Variants in NKAP observed in about 807,000 individuals in gnomAD.
NKAP encodes the protein NF-kappa-B-activating protein.
In NKAP, 4 loss-of-function variants were observed where a neutral mutation model predicts 35.6. That is an observed-to-expected ratio of 0.11 (90% CI 0.06 to 0.26). The LOEUF (loss-of-function observed/expected upper bound fraction) is 0.26. Ranked by LOEUF, NKAP falls within the 10% of genes least tolerant of loss-of-function variation. The pLI is 1.00. For missense variants in NKAP, 238 were observed against 321.9 expected, an observed-to-expected ratio of 0.74 and a Z score of 1.99; for synonymous variants, 106 against 119.2, an observed-to-expected ratio of 0.89 and a Z score of 0.72.
intron 8 of NKAP, 50 bp from the exon 9 acceptor site, chrX:119,925,444 G>A (rs1569471137): frequency 1.8e-6 from 2 of 1,128,661 alleles, no homozygotes; most frequent in Non-Finnish European, 1.2e-6. Flanking sequence ...TATTTTCATA[G>A]TACATCATCA....
chrX:119,940,636 T>C (rs1448319442), intron 1 of NKAP, among the ~76,000 whole-genome samples: 1 of 112,346 alleles, frequency 8.9e-6, no homozygotes, highest in East Asian at 2.8e-4. Context: ...CCAAAATAAA[T>C]ATAATTGCAA....
chrX:119,940,355 A>C (rs1158703405), intron 1 of NKAP, among the ~76,000 whole-genome samples: 3 of 23,103 alleles, frequency 1.3e-4, no homozygotes, highest in Non-Finnish European at 2.7e-4. Flanking sequence ...ATAAAAAACC[A>C]AAAAAAAAAA....
chrX:119,928,166 T>C (rs978948714), intron 8 of NKAP, among the ~76,000 whole-genome samples: 1 of 112,497 alleles, frequency 8.9e-6, no homozygotes, highest in Non-Finnish European at 1.9e-5. Flanking sequence ...TTAAGATTTA[T>C]TCTTAAGTCT....
chrX:119,933,951 A>C (rs2056753897), intron 5 of NKAP, among the ~76,000 whole-genome samples: 1 of 111,812 alleles, frequency 8.9e-6, no homozygotes, highest in African/African-American at 3.3e-5. Flanking sequence ...AAAAAAAACA[A>C]AACAAAACAA....
intron 2 of NKAP, chrX:119,937,681 G>C (rs2056773330): frequency 9.2e-6 from 1 of 108,404 alleles, no homozygotes; most frequent in Non-Finnish European, 1.9e-5. Flanking sequence ...AATACATTCA[G>C]GTTCTTCAAG....
Position 119,936,596 on chromosome X carries a change from C to CTT in NKAP, c.538+14_538+15dup. The CTT allele has an allele frequency of 8.9e-7, 1 of 1,126,815 alleles. No homozygotes were observed. 92.9% of individuals were successfully genotyped at this position (1,126,815 alleles called of 1,213,427 possible). A position where few individuals can be genotyped will look rare whatever the true frequency, so the allele number is the denominator to read the frequency against. The stretch of plus-strand genomic sequence containing the variant: ...AAATAGCTTGTATTTTAAAAATACC[C>CTT]TTTTTTTAAAAATACCTTCTGAAGT... On this transcript the variant is annotated intron_variant, in intron 3 of 8. Transcript: ENST00000371410.
chrX:119,924,159 T>C lies in NKAP; in HGVS notation c.*1061A>G, dbSNP rs892792425. ...TGCTTTTCGCAGCAATGCCTTCATT[T>C]TGTTAACAAAAGTGGCCTCCTATAT... On this transcript the variant is annotated 3_prime_UTR_variant, in exon 9 of 9. Transcript: ENST00000371410. 1 of 111,151 alleles carries C rather than the reference T, an allele frequency of 9.0e-6. No homozygotes were observed. The highest frequency in any genetic ancestry group is 3.3e-5 in the African/African-American group (1 of 30,626). The allele number at this position is 111,151 out of a possible 1,213,427, so 9.2% of individuals were successfully genotyped here. A position where few individuals can be genotyped will look rare whatever the true frequency, so the allele number is the denominator to read the frequency against.
chrX:119,936,708 G>A, intron 2 of NKAP, 26 bp from the exon 3 acceptor site: 1 of 1,108,033 alleles, frequency 9.0e-7, no homozygotes, highest in Non-Finnish European at 1.2e-6. Context: ...ATGGTTATAA[G>A]AATTAGGAAA....
intron 8 of NKAP, 96 bp from the exon 9 acceptor site, chrX:119,925,490 G>T: frequency 1.1e-6 from 1 of 882,898 alleles, no homozygotes; most frequent in Non-Finnish European, 1.5e-6. Flanking sequence ...CTATTTAACA[G>T]CTGACAAAAA....
chrX:119,933,066 A>C (rs2056749681), intron 5 of NKAP, among the ~76,000 whole-genome samples: 1 of 111,969 alleles, frequency 8.9e-6, no homozygotes, highest in African/African-American at 3.2e-5. Flanking sequence ...CAGCCTAAAA[A>C]GTCCCAACAA....
chrX:119,940,968 C>T (rs138037666), intron 1 of NKAP, among the ~76,000 whole-genome samples: 2,305 of 109,811 alleles, frequency 0.021, 31 homozygotes, highest in Non-Finnish European at 0.034. Context: ...GGCGAAACCC[C>T]GTCTCTACTA....
In NKAP at chrX:119,932,487, C is replaced by T. The variant is rs897162397; in HGVS notation, c.738-271G>A. 199 of 212,578 alleles carry T rather than the reference C, an allele frequency of 9.4e-4. 1 individual carries two copies. The highest frequency in any genetic ancestry group is 1.7e-3 in the Middle Eastern group (1 of 606). 17.5% of individuals were successfully genotyped at this position (212,578 alleles called of 1,213,427 possible). A position where few individuals can be genotyped will look rare whatever the true frequency, so the allele number is the denominator to read the frequency against. On this transcript the variant is annotated intron_variant, in intron 5 of 8. Coordinates refer to ENST00000371410, the MANE Select transcript of NKAP (RefSeq NM_024528.4). ...AAAAAAAAGTAGCTGGGTGTGATGG[C>T]ACACATCTGTAGTCTAAGCTATTCA... is the stretch of plus-strand genomic sequence containing the variant.
At chrX:119,941,081 A>G (rs1461554640) in intron 1 of NKAP, among the ~76,000 whole-genome samples, 1 of 108,793 alleles carries the variant, frequency 9.2e-6, no homozygotes, top group Non-Finnish European at 1.9e-5. Context: ...TGGAGGCTGC[A>G]GTGAGCCGAG....
Position 119,936,325 on chromosome X carries a change from ACTGTCG to A in NKAP, c.639_644del (p.Asp218_Ser219del). 8.3e-7 allele frequency: 1 copy of A among 1,204,473 alleles called. No individual in the cohort carries two copies. Among genetic ancestry groups the A allele is most frequent in the East Asian group, 3.0e-5 (1 of 33,616 alleles). ...TGGAGTCTGTTTCAGAATCAGAGTC[ACTGTCG>A]CTATCTTCAGAATACTTCTTATGTT... is the stretch of plus-strand genomic sequence containing the variant. On this transcript the variant is annotated inframe_deletion, in exon 4 of 9. Transcript: ENST00000371410.
intron 1 of NKAP, among the ~76,000 whole-genome samples, chrX:119,940,539 A>C (rs146826662): frequency 0.013 from 1,482 of 111,436 alleles, 33 homozygotes; most frequent in African/African-American, 0.046. Context: ...TATTCCTCAT[A>C]AACTAAAAAA....
At chrX:119,943,183 A>C (rs779629837) in intron 1 of NKAP, 37 bp downstream of exon 1, 1 of 1,146,300 alleles carries the variant, frequency 8.7e-7, no homozygotes, top group Non-Finnish European at 1.2e-6. Flanking sequence ...AAAGGCACGT[A>C]GGCTCGTACA....
At chrX:119,935,871 T>C (rs1447985973) in intron 4 of NKAP, among the ~76,000 whole-genome samples, 3 of 111,871 alleles carry the variant, frequency 2.7e-5, no homozygotes, top group Non-Finnish European at 5.6e-5. Flanking sequence ...GAGGTGCTCA[T>C]TGGGCATGAG....
chrX:119,936,426 T>C lies in NKAP; in HGVS notation c.544A>G (p.Lys182Glu). 8.7e-7 allele frequency: 1 copy of C among 1,144,402 alleles called. No homozygotes were observed. Among genetic ancestry groups the C allele is most frequent in the Non-Finnish European group, 1.2e-6 (1 of 856,547 alleles). 94.3% of individuals were successfully genotyped at this position (1,144,402 alleles called of 1,213,427 possible). A position where few individuals can be genotyped will look rare whatever the true frequency, so the allele number is the denominator to read the frequency against. Residue 182 changes from lysine (K) to glutamate (E), a missense_variant, in exon 4 of 9, where the codon AAA becomes GAA. Around this residue, in one of 5 missense-constraint regions of NKAP, gnomAD observed 89 missense variants for 91.7 expected, o/e 0.97. Coordinates refer to ENST00000371410, the MANE Select transcript of NKAP (RefSeq NM_024528.4). ...TTSASTSEEE[K>E]KKKSSRSKER... ...TTTGAACGGCTAGACTTCTTCTTTT[T>C]TTCTTCTAAGAAAGTACAAATTAAA... is the stretch of plus-strand genomic sequence containing the variant.
chrX:119,938,296 G>A (rs6603579), intron 2 of NKAP, among the ~76,000 whole-genome samples: 6,867 of 110,026 alleles, frequency 0.062, 310 homozygotes, highest in African/African-American at 0.15. Flanking sequence ...CAGGAGAATC[G>A]CTTGAACCCA....
Sources: gnomAD v4.1 joint callset for allele counts (sites outside exome capture counted in the v4.1 genomes callset) on GRCh38, gnomAD v4.1.1 for gene constraint, gnomAD v4.1.1 regional missense constraint, MANE v1.5 for transcripts, NCBI Gene and HGNC (gene_info 2026-07-23, HGNC 2026-07-21) for gene names.